The following LRIG1 variants were observed in gnomAD, a reference collection of about 807,000 sequenced individuals.
LRIG1 encodes the protein leucine-rich repeats and immunoglobulin-like domains protein 1.
Under a neutral mutation model 99.2 loss-of-function variants are expected in LRIG1, and 48 were observed. The observed-to-expected ratio is 0.48, with a 90% CI of 0.38 to 0.62. The LOEUF (loss-of-function observed/expected upper bound fraction) is 0.62. Ranked by LOEUF, LRIG1 falls within the 20% of genes least tolerant of loss-of-function variation. The pLI, the probability that LRIG1 is intolerant of heterozygous loss-of-function variation, is 0.00. For missense variants in LRIG1, 1,646 were observed against 1,434.4 expected (o/e 1.15, Z -2.38); for synonymous variants, 772 against 596.1 (o/e 1.29, Z -4.30).
At chr3:66,461,588 T>G (rs192051382) in intron 2 of LRIG1, among the ~76,000 whole-genome samples, 1 of 152,192 alleles carries the variant, frequency 6.6e-6, no homozygotes, top group Non-Finnish European at 1.5e-5. Flanking sequence ...CATATGTACA[T>G]GTAATAGTTT....
chr3:66,489,151 C>A (rs1334854575), intron 1 of LRIG1, among the ~76,000 whole-genome samples: 1 of 152,116 alleles, frequency 6.6e-6, no homozygotes, highest in Non-Finnish European at 1.5e-5. Context: ...ACAAAAGGGT[C>A]CCTCATTGAG....
chr3:66,450,487 C>T (rs1252036331), intron 3 of LRIG1, among the ~76,000 whole-genome samples: 2 of 152,144 alleles, frequency 1.3e-5, no homozygotes, highest in African/African-American at 4.8e-5. Context: ...GCAATTCTAA[C>T]CCCCCACGCT....
At position 66,381,618 on chromosome 3, in the gene LRIG1, T is replaced by A; in HGVS notation, c.2631A>T (p.Arg877Ser). 1.9e-6 allele frequency: 3 copies of A among 1,613,602 alleles called. No homozygotes were observed. The highest frequency in any genetic ancestry group is 2.5e-6 in the Non-Finnish European group (3 of 1,179,522). The change falls in exon 17 of 19, where the codon AGA (arginine) becomes AGT (serine). Residue 877 changes from arginine to serine, a missense_variant. Arg to Ser is a moderately radical substitution (Grantham distance 110). Coordinates refer to ENST00000273261, the MANE Select transcript of LRIG1 (RefSeq NM_015541.3). The stretch of plus-strand genomic sequence containing the variant: ...CGGGCTCTGGAAAGTGGCTTGCATC[T>A]CTTGGACACACACCTGCAAGTGGAT... ...GHIESNGVCP[R>S]DASHFPEPDT...
chr3:66,379,473 G>C lies in LRIG1; in HGVS notation c.*790C>G, dbSNP rs1331436758. ...TCAAATAGCAATCGAATGATACTGA[G>C]AAGGCCACATTTGCTTTTATCATAA... is the stretch of plus-strand genomic sequence containing the variant. On this transcript the variant is annotated 3_prime_UTR_variant, in exon 19 of 19. Coordinates refer to ENST00000273261, the MANE Select transcript of LRIG1 (RefSeq NM_015541.3). The C allele has an allele frequency of 6.6e-6, 1 of 152,194 alleles. No individual in the cohort carries two copies. Among genetic ancestry groups the C allele is most frequent in the African/African-American group, 2.4e-5 (1 of 41,422 alleles). 9.4% of individuals were successfully genotyped at this position (152,194 alleles called of 1,614,324 possible).
At chr3:66,427,641 A>G (rs1034004858) in intron 3 of LRIG1, among the ~76,000 whole-genome samples, 1 of 152,230 alleles carries the variant, frequency 6.6e-6, no homozygotes, top group Admixed American at 6.5e-5. Context: ...TCTCTTAAAA[A>G]AATTTTTTTT....
At chr3:66,383,933 G>C (rs1386368757) in intron 14 of LRIG1, 58 bp downstream of exon 14, 8 of 1,425,432 alleles carry the variant, frequency 5.6e-6, no homozygotes, top group Non-Finnish European at 7.5e-6. Flanking sequence ...GCATTTGAGA[G>C]TCTCTCTCTC....
intron 3 of LRIG1, among the ~76,000 whole-genome samples, chr3:66,427,667 TCAGA>T (rs953470919): frequency 5.6e-4 from 85 of 152,194 alleles, no homozygotes; most frequent in African/African-American, 1.8e-3. Context: ...TGCAGCACTA[TCAGA>T]CAGGCCATAT....
At chr3:66,448,795 G>A (rs559745539) in intron 3 of LRIG1, among the ~76,000 whole-genome samples, 41 of 152,230 alleles carry the variant, frequency 2.7e-4, no homozygotes, top group African/African-American at 7.5e-4. Flanking sequence ...CCACAAAAAC[G>A]GAATAAGAAT....
intron 1 of LRIG1, among the ~76,000 whole-genome samples, chr3:66,494,572 T>A (rs1701186070): frequency 6.6e-6 from 1 of 152,236 alleles, no homozygotes; most frequent in South Asian, 2.1e-4. Flanking sequence ...GAAGGACTTC[T>A]ATGAACAGAT....
rs551393930 is a variant in LRIG1 at position 66,402,860 on chromosome 3, G to GA, written c.1160+2337dup. The stretch of plus-strand genomic sequence containing the variant: ...TTCTCTCAGCCAGGGCCACAGCGCA[G>GA]AACTTTCCTGGAATGTTCTGAGTAG... On this transcript the variant is annotated intron_variant, in intron 9 of 18. Coordinates refer to ENST00000273261, the MANE Select transcript of LRIG1 (RefSeq NM_015541.3). Among the ~76,000 whole-genome samples, 5 of 152,328 alleles carry GA rather than the reference G, an allele frequency of 3.3e-5. No individual in the cohort carries two copies. In the East Asian group the frequency reaches 9.6e-4, roughly 29 times the overall value.
chr3:66,422,199 T>C (rs961583404), intron 3 of LRIG1, among the ~76,000 whole-genome samples: 4 of 152,230 alleles, frequency 2.6e-5, no homozygotes, highest in Non-Finnish European at 5.9e-5. Context: ...TCTTGGTGAT[T>C]AACATTCAGC....
chr3:66,498,240 AT>A (rs756642815), intron 1 of LRIG1: 2 of 152,196 alleles, frequency 1.3e-5, no homozygotes, highest in African/African-American at 2.4e-5. Flanking sequence ...CCACTTTGGT[AT>A]TTCTCGATCA....
intron 1 of LRIG1, among the ~76,000 whole-genome samples, chr3:66,492,958 C>T (rs1448508596): frequency 6.6e-6 from 1 of 152,188 alleles, no homozygotes; most frequent in Non-Finnish European, 1.5e-5. Context: ...TTGCCAGATT[C>T]CTCAAATGAC....
intron 9 of LRIG1, among the ~76,000 whole-genome samples, 191 bp from the exon 10 acceptor site, chr3:66,399,232 T>A (rs1031149982): frequency 3.3e-5 from 5 of 152,216 alleles, no homozygotes; most frequent in African/African-American, 1.2e-4. Context: ...CCTTCCCCTT[T>A]CTGAAATGAA....
At position 66,379,618 on chromosome 3, in the gene LRIG1, C is replaced by G. The variant is rs1266149583; in HGVS notation, c.*645G>C. On this transcript the variant is annotated 3_prime_UTR_variant, in exon 19 of 19. Coordinates refer to ENST00000273261, the MANE Select transcript of LRIG1 (RefSeq NM_015541.3). ...TTCTACGCCTTACAGACAGACAGGA[C>G]TTAAACCTAAAAGGAAAAGCCATTC... The G allele has an allele frequency of 6.6e-6, 1 of 151,932 alleles. No homozygotes were observed. Among genetic ancestry groups the G allele is most frequent in the Non-Finnish European group, 1.5e-5 (1 of 67,946 alleles). 9.4% of individuals were successfully genotyped at this position (151,932 alleles called of 1,614,324 possible).
At chr3:66,417,691 C>T (rs921925117) in intron 3 of LRIG1, 2 of 166,086 alleles carry the variant, frequency 1.2e-5, no homozygotes, top group African/African-American at 4.8e-5. Flanking sequence ...ATAGGCACCA[C>T]AGCCCAGAGT....
chr3:66,478,870 G>A (rs1244475150), intron 1 of LRIG1, among the ~76,000 whole-genome samples: 1 of 152,130 alleles, frequency 6.6e-6, no homozygotes, highest in African/African-American at 2.4e-5. Flanking sequence ...TCTACCCCCA[G>A]AGGCCTGCAG....
In LRIG1 at chr3:66,423,427, C is replaced by T. The variant is rs577477848; in HGVS notation, c.366-6161G>A. Among the ~76,000 whole-genome samples the T allele has an allele frequency of 4.2e-3, 636 of 152,146 alleles. 2 individuals are homozygous for T. The highest frequency in any genetic ancestry group is 0.014 in the Middle Eastern group (4 of 294). ...TCTCTACTAAAAATAAAAAATTAGCCGGGCATGGTGGCGCATGCCTGTAAT... is the reference window on the plus strand; with the variant it reads ...TCTCTACTAAAAATAAAAAATTAGCTGGGCATGGTGGCGCATGCCTGTAAT... On this transcript the variant is annotated intron_variant, in intron 3 of 18. Coordinates refer to ENST00000273261, the MANE Select transcript of LRIG1 (RefSeq NM_015541.3).
Position 66,434,518 on chromosome 3 carries a change from G to A in LRIG1, c.365+17041C>T, listed in dbSNP as rs1161939949. Among the ~76,000 whole-genome samples, 6 of 152,160 alleles carry A rather than the reference G, an allele frequency of 3.9e-5. No individual in the cohort carries two copies. The East Asian group carries it at 9.6e-4, about 24-fold the overall frequency. Reference sequence around the variant, plus strand: ...TCCCAGTACTTTGGGAGGCTGAGGCGGGTGGATCATTTGAGGTCAGGAGTT... The same window carrying A: ...TCCCAGTACTTTGGGAGGCTGAGGCAGGTGGATCATTTGAGGTCAGGAGTT... On this transcript the variant is annotated intron_variant, in intron 3 of 18. Transcript: ENST00000273261.
Sources: gnomAD v4.1 joint callset for allele counts (sites outside exome capture counted in the v4.1 genomes callset) on GRCh38, gnomAD v4.1.1 for gene constraint, MANE v1.5 for transcripts, NCBI Gene and HGNC (gene_info 2026-07-23, HGNC 2026-07-21) for gene names.